Variants in SSBP2 observed in about 807,000 individuals in gnomAD.
SSBP2 encodes the protein single stranded DNA binding protein 2, also known as single-stranded DNA-binding protein 2.
SSBP2 carries 17 observed loss-of-function variants against 61.8 expected under a neutral mutation model. That is an observed-to-expected ratio of 0.28 (90% confidence interval 0.19 to 0.41). SSBP2 has a LOEUF of 0.41. Among genes scored for constraint, SSBP2 ranks in the 10% least tolerant of loss-of-function variants. The probability of loss-of-function intolerance (pLI) is 1.00; values close to 1 mark genes in which losing one functional copy is unlikely to be tolerated. For missense variants in SSBP2, 310 were observed against 458.7 expected, an observed-to-expected ratio of 0.68 and a Z score of 2.96; for synonymous variants, 139 against 141.3, an observed-to-expected ratio of 0.98 and a Z score of 0.12.
At chr5:81,633,742 T>C (rs1451520752) in intron 3 of SSBP2, among the ~76,000 whole-genome samples, 1 of 152,190 alleles carries the variant, frequency 6.6e-6, no homozygotes, top group Non-Finnish European at 1.5e-5. Context: ...TTGGATGGTA[T>C]GTATTTCAGT....
intron 1 of SSBP2, among the ~76,000 whole-genome samples, chr5:81,726,955 G>A (rs896837737): frequency 2.0e-5 from 3 of 152,050 alleles, no homozygotes; most frequent in East Asian, 1.9e-4. Context: ...TACTCTGTAC[G>A]CCATTCAATT....
intron 4 of SSBP2, among the ~76,000 whole-genome samples, chr5:81,612,670 T>C (rs975925375): frequency 5.9e-5 from 9 of 152,088 alleles, no homozygotes; most frequent in Admixed American, 1.3e-4. Flanking sequence ...TTTAAACATT[T>C]ATACATGCAA....
rs557150061 is a variant in SSBP2, at chr5:81,501,567, T to C, written c.372+12061A>G. On this transcript the variant is annotated intron_variant, in intron 5 of 16. Transcript: ENST00000320672. The stretch of plus-strand genomic sequence containing the variant: ...TTCCTTTTCTTTCTTTCTTTTCTTT[T>C]TTTTTTTTTTTTTGAGATGGAGTCT... Among the ~76,000 whole-genome samples the C allele has an allele frequency of 1.1e-4, 15 of 141,598 alleles. 1 individual carries two copies. In the East Asian group the frequency reaches 2.6e-3, roughly 24 times the overall value. The allele number at this position is 141,598 out of a possible 152,430, so 92.9% of individuals were successfully genotyped here.
At chr5:81,447,947 T>C (rs892040449) in intron 11 of SSBP2, 1 of 152,204 alleles carries the variant, frequency 6.6e-6, no homozygotes, top group Non-Finnish European at 1.5e-5. Context: ...TCCAAAGCAG[T>C]GTGTGCTTTT....
rs766607539 is a variant in SSBP2, at chr5:81,442,751, T to C, written c.779-28A>G. On this transcript the variant is annotated intron_variant, in intron 12 of 16. Coordinates refer to ENST00000320672, the MANE Select transcript of SSBP2 (RefSeq NM_012446.5). ...GAAACAAAATATTACTTAATTAAAATATTTCTTTAGAGTCTATACCCAATT... is the reference window on the plus strand; with the variant it reads ...GAAACAAAATATTACTTAATTAAAACATTTCTTTAGAGTCTATACCCAATT... 3.8e-6 allele frequency: 5 copies of C among 1,303,190 alleles called. No homozygotes were observed. The Admixed American group carries it at 6.3e-5, about 16-fold the overall frequency. 80.7% of individuals were successfully genotyped at this position (1,303,190 alleles called of 1,614,324 possible).
At chr5:81,469,418 A>G (rs1440885561) in intron 8 of SSBP2, among the ~76,000 whole-genome samples, 1 of 151,958 alleles carries the variant, frequency 6.6e-6, no homozygotes, top group Non-Finnish European at 1.5e-5. Flanking sequence ...AAACCAACTT[A>G]AATGAGTCCT....
chr5:81,585,633 T>A (rs1238198208), intron 4 of SSBP2, among the ~76,000 whole-genome samples: 2 of 152,130 alleles, frequency 1.3e-5, no homozygotes, highest in African/African-American at 4.8e-5. Flanking sequence ...CTAATTAACA[T>A]ATCTATTTCC....
intron 1 of SSBP2, among the ~76,000 whole-genome samples, chr5:81,705,812 C>T (rs186848677): frequency 2.6e-5 from 4 of 152,216 alleles, no homozygotes; most frequent in East Asian, 3.9e-4. Context: ...CATACCCACC[C>T]TGAGTATGTT....
At chr5:81,717,923 G>C (rs1194330234) in intron 1 of SSBP2, among the ~76,000 whole-genome samples, 1 of 152,130 alleles carries the variant, frequency 6.6e-6, no homozygotes, top group Non-Finnish European at 1.5e-5. Context: ...ATACATGGTT[G>C]TGGTCTCTCC....
At chr5:81,463,881 G>A (rs1245225822) in intron 9 of SSBP2, among the ~76,000 whole-genome samples, 1 of 148,716 alleles carries the variant, frequency 6.7e-6, no homozygotes, top group African/African-American at 2.5e-5. Flanking sequence ...CCATTCTCGT[G>A]CCTCAGTCTC....
At chr5:81,737,939 C>T (rs529343730) in intron 1 of SSBP2, among the ~76,000 whole-genome samples, 4 of 152,200 alleles carry the variant, frequency 2.6e-5, no homozygotes, top group Admixed American at 1.3e-4. Flanking sequence ...CATATGTCTC[C>T]GTTCTTTTCA....
At chr5:81,567,228 G>T (rs1581041925) in intron 4 of SSBP2, among the ~76,000 whole-genome samples, 1 of 152,202 alleles carries the variant, frequency 6.6e-6, no homozygotes, top group Non-Finnish European at 1.5e-5. Flanking sequence ...GGAGGAAAAA[G>T]TAGTTCCATG....
At chr5:81,576,855 T>C (rs187343348) in intron 4 of SSBP2, among the ~76,000 whole-genome samples, 57 of 152,168 alleles carry the variant, frequency 3.7e-4, no homozygotes, top group Non-Finnish European at 7.1e-4. Context: ...AGTACAGCAG[T>C]CTAATCAATA....
At chr5:81,575,195 G>A (rs540677353) in intron 4 of SSBP2, among the ~76,000 whole-genome samples, 2 of 152,304 alleles carry the variant, frequency 1.3e-5, no homozygotes, top group East Asian at 3.9e-4. Context: ...TTGAACTCGG[G>A]AGGTGGAGGT....
chr5:81,643,440 T>C (rs1748970216), intron 2 of SSBP2, among the ~76,000 whole-genome samples: 1 of 152,076 alleles, frequency 6.6e-6, no homozygotes, highest in African/African-American at 2.4e-5. Flanking sequence ...TATGTGTAAG[T>C]TTCTTTCTAG....
chr5:81,751,156 C>T, upstream of SSBP2: 1 of 1,118,046 alleles, frequency 8.9e-7, no homozygotes, highest in Non-Finnish European at 1.3e-6. Flanking sequence ...ATTGGCCGCC[C>T]CACGCCAAAG....
rs199863682 is a variant in SSBP2 at position 81,600,581 on chromosome 5, C to A, written c.282+14892G>T. 6.0e-3 allele frequency among the ~76,000 whole-genome samples: 699 copies of A among 116,338 alleles called. 1 individual carries two copies. The highest frequency in any genetic ancestry group is 0.011 in the African/African-American group (360 of 32,622). 76.3% of individuals were successfully genotyped at this position (116,338 alleles called of 152,430 possible). Reference sequence around the variant, plus strand: ...TGTCTCAAAAAAAAAAAAAAAAAAACAAAAACCAGAAAGAAAAGAAAATTC... The same window carrying A: ...TGTCTCAAAAAAAAAAAAAAAAAAAAAAAAACCAGAAAGAAAAGAAAATTC... On this transcript the variant is annotated intron_variant, in intron 4 of 16. Coordinates refer to ENST00000320672, the MANE Select transcript of SSBP2 (RefSeq NM_012446.5).
rs374020240 is a variant in SSBP2, at chr5:81,605,906, G to A, written c.282+9567C>T. ...TTTTCCCACTGGTGGAAATTGTTAA[G>A]GTTGACTACTGTTTAACAGAATTTA... is the stretch of plus-strand genomic sequence containing the variant. On this transcript the variant is annotated intron_variant, in intron 4 of 16. Transcript: ENST00000320672. Among the ~76,000 whole-genome samples, 58 of 152,230 alleles carry A rather than the reference G, an allele frequency of 3.8e-4. 1 individual carries two copies. In the South Asian group the frequency reaches 0.01, roughly 27 times the overall value.
chr5:81,751,186 G>A, upstream of SSBP2: 1 of 866,124 alleles, frequency 1.2e-6, no homozygotes, highest in Non-Finnish European at 1.8e-6. Flanking sequence ...CTTCGCCCAG[G>A]CAACGCGCGA....
Sources: allele counts gnomAD v4.1 joint callset (sites outside exome capture counted in the v4.1 genomes callset), GRCh38; gene constraint gnomAD v4.1.1; transcripts MANE v1.5; gene names NCBI Gene and HGNC (gene_info 2026-07-23, HGNC 2026-07-21).